The following GTF2I variants were observed in gnomAD, a reference collection of about 807,000 sequenced individuals.
GTF2I encodes general transcription factor IIi, also known as general transcription factor II-I.
In GTF2I, 12 loss-of-function variants were observed where a neutral mutation model predicts 67.6. That is an observed-to-expected ratio of 0.18 (90% CI 0.11 to 0.29). The LOEUF (loss-of-function observed/expected upper bound fraction) is 0.29, where lower values mean the gene tolerates loss of function less well. Among genes scored for constraint, GTF2I ranks in the 10% least tolerant of loss-of-function variants. GTF2I has a pLI of 1.00. For synonymous variants in GTF2I, 149 were observed against 197.0 expected (o/e 0.76, Z 2.04); for missense variants, 271 against 580.1 (o/e 0.47, Z 5.47).
intron 12 of GTF2I, among the ~76,000 whole-genome samples, chr7:74,721,009 A>C (rs2131453713): frequency 6.6e-6 from 1 of 151,956 alleles, no homozygotes; most frequent in South Asian, 2.1e-4. Context: ...TGGAGTAATA[A>C]ATCTCTTTTC....
chr7:74,719,888 A>G (rs1218778724), intron 12 of GTF2I, among the ~76,000 whole-genome samples: 2 of 152,126 alleles, frequency 1.3e-5, no homozygotes, highest in African/African-American at 2.4e-5. Flanking sequence ...CCATTGCACT[A>G]CAGCCTGGGC....
At chr7:74,678,376 T>C (rs1366476723) in intron 1 of GTF2I, among the ~76,000 whole-genome samples, 2 of 152,182 alleles carry the variant, frequency 1.3e-5, no homozygotes, top group African/African-American at 2.4e-5. Context: ...TCTAAGCATC[T>C]AGGGGTTTAG....
chr7:74,696,459 T>G (rs1554398381), intron 3 of GTF2I, among the ~76,000 whole-genome samples: 1 of 151,818 alleles, frequency 6.6e-6, no homozygotes, highest in African/African-American at 2.4e-5. Flanking sequence ...TTCTAGTAGC[T>G]GGGATTACAG....
In GTF2I at chr7:74,716,936, A is replaced by C; in HGVS notation, c.866A>C (p.Glu289Ala). 6.2e-7 allele frequency: 1 copy of C among 1,606,936 alleles called. No homozygotes were observed. Among genetic ancestry groups the C allele is most frequent in the South Asian group, 1.1e-5 (1 of 90,872 alleles). ...GAGGGCAATGAAGGCACAGAAATGG[A>C]AGTACCAGCAGAAGGTTAGGAGAAA... Reference protein sequence around the residue: ...SSEGNEGTEMEVPAEDSTQHV... With the variant: ...SSEGNEGTEMAVPAEDSTQHV... Residue 289 changes from glutamate to alanine, a missense_variant, in exon 11 of 35, where the codon GAA becomes GCA. Physicochemically the swap from Glu to Ala is moderately radical, Grantham distance 107. Transcript: ENST00000573035.
At chr7:74,711,900 A>G (rs1791589160) in intron 9 of GTF2I, among the ~76,000 whole-genome samples, 1 of 150,564 alleles carries the variant, frequency 6.6e-6, no homozygotes, top group African/African-American at 2.4e-5. Context: ...TAGAGGTACT[A>G]TGAACATTGT....
intron 1 of GTF2I, among the ~76,000 whole-genome samples, chr7:74,681,888 G>C (rs1373133761): frequency 6.6e-6 from 1 of 152,006 alleles, no homozygotes; most frequent in Non-Finnish European, 1.5e-5. Flanking sequence ...CTCCAACCTG[G>C]GCGATAAGTG....
At chr7:74,722,229 T>G (rs1396676010) in intron 12 of GTF2I, among the ~76,000 whole-genome samples, 1 of 152,200 alleles carries the variant, frequency 6.6e-6, no homozygotes, top group African/African-American at 2.4e-5. Flanking sequence ...CGCTCTGAGC[T>G]GTGCACTTCC....
chr7:74,706,260 A>G, intron 7 of GTF2I, 130 bp from the exon 8 acceptor site: 1 of 707,508 alleles, frequency 1.4e-6, no homozygotes, highest in Non-Finnish European at 2.5e-6. Flanking sequence ...GTCAGTTTTA[A>G]GCTGAGTCAG....
At chr7:74,659,733 G>A (rs1264037934) in intron 1 of GTF2I, among the ~76,000 whole-genome samples, 3 of 151,962 alleles carry the variant, frequency 2.0e-5, no homozygotes, top group African/African-American at 7.2e-5. Context: ...TTTAGAGATG[G>A]GGTCTTCTTG....
At chr7:74,702,524 A>T (rs1016926693) in intron 6 of GTF2I, among the ~76,000 whole-genome samples, 3 of 152,034 alleles carry the variant, frequency 2.0e-5, no homozygotes, top group African/African-American at 7.2e-5. Context: ...GCCCTGCTAC[A>T]CTGAACTTTG....
At chr7:74,731,131 C>A (rs376726776) in intron 14 of GTF2I, among the ~76,000 whole-genome samples, 4 of 152,000 alleles carry the variant, frequency 2.6e-5, no homozygotes, top group Non-Finnish European at 4.4e-5. Flanking sequence ...TTGTTATTAT[C>A]ATTTTTATTT....
intron 1 of GTF2I, among the ~76,000 whole-genome samples, chr7:74,665,292 C>T (rs1804877668): frequency 6.6e-6 from 1 of 151,878 alleles, no homozygotes; most frequent in African/African-American, 2.4e-5. Context: ...TGCTCTGTTA[C>T]CCAGGCTGGA....
intron 1 of GTF2I, among the ~76,000 whole-genome samples, chr7:74,676,901 C>CA (rs1805950631): frequency 6.6e-6 from 1 of 151,680 alleles, no homozygotes; most frequent in South Asian, 2.1e-4. Flanking sequence ...ACTAAAAATA[C>CA]AAAAAAAGCT....
At chr7:74,690,802 G>GT (rs1224662948) in intron 2 of GTF2I, among the ~76,000 whole-genome samples, 171 bp from the exon 3 acceptor site, 42 of 149,614 alleles carry the variant, frequency 2.8e-4, no homozygotes, top group South Asian at 2.8e-3. Flanking sequence ...AGGGAATTGT[G>GT]TTTTTTTTTT....
At chr7:74,714,468 AAAG>A (rs1456603992) in intron 9 of GTF2I, among the ~76,000 whole-genome samples, 5 of 152,140 alleles carry the variant, frequency 3.3e-5, no homozygotes, top group African/African-American at 1.2e-4. Context: ...AATATTTGCC[AAAG>A]AAGAAACAAA....
chr7:74,662,564 C>CCAGGCGGGAGTGTAGGTGCGTGGT (rs1804616934), intron 1 of GTF2I, among the ~76,000 whole-genome samples: 1 of 118,740 alleles, frequency 8.4e-6, no homozygotes, highest in Non-Finnish European at 1.6e-5. Context: ...GCTCTATCGC[C>CCAGGCGGGAGTGTAGGTGCGTGGT]CAGGCGGGAG....
At chr7:74,685,788 CG>C (rs372730331) in intron 1 of GTF2I, among the ~76,000 whole-genome samples, 8 of 151,714 alleles carry the variant, frequency 5.3e-5, no homozygotes, top group African/African-American at 1.7e-4. Context: ...AAAAAAAGTC[CG>C]GGGGCGATGG....
At chr7:74,665,511 C>A (rs1804900270) in intron 1 of GTF2I, among the ~76,000 whole-genome samples, 2 of 151,538 alleles carry the variant, frequency 1.3e-5, no homozygotes. Flanking sequence ...CTCAGCCTCT[C>A]AAAGGCTGGG....
intron 1 of GTF2I, among the ~76,000 whole-genome samples, chr7:74,688,547 C>T (rs975387317): frequency 6.6e-6 from 1 of 152,156 alleles, no homozygotes; most frequent in Non-Finnish European, 1.5e-5. Context: ...GCCTCCGCCT[C>T]CTGGGTTCAA....
Sources: gnomAD v4.1 joint callset for allele counts (sites outside exome capture counted in the v4.1 genomes callset) on GRCh38, gnomAD v4.1.1 for gene constraint, MANE v1.5 for transcripts, NCBI Gene and HGNC (gene_info 2026-07-23, HGNC 2026-07-21) for gene names.